The following GATAD2A variants were observed in gnomAD, a reference collection of about 807,000 sequenced individuals.
The protein encoded by GATAD2A is transcriptional repressor p66-alpha.
GATAD2A carries 12 observed loss-of-function variants against 68.5 expected under a neutral mutation model. The ratio of observed to expected loss-of-function variants is 0.18; its 90% confidence interval spans 0.11 to 0.28. The LOEUF is 0.28. GATAD2A is among the 10% of genes least tolerant of loss of function. GATAD2A has a pLI of 1.00. For synonymous variants in GATAD2A, 410 were observed against 375.3 expected (o/e 1.09, Z -1.07); for missense variants, 755 against 868.5 (o/e 0.87, Z 1.64).
intron 1 of GATAD2A, among the ~76,000 whole-genome samples, chr19:19,408,506 T>A (rs759196996): frequency 6.6e-6 from 1 of 152,102 alleles, no homozygotes; most frequent in Non-Finnish European, 1.5e-5. Flanking sequence ...TTTAGAAAAC[T>A]TTTTAGTGTC....
At chr19:19,492,479 C>T (rs747704398) in intron 3 of GATAD2A, 41 bp downstream of exon 3, 13 of 1,613,200 alleles carry the variant, frequency 8.1e-6, no homozygotes, top group Middle Eastern at 1.7e-4. Context: ...CCCCACTGTG[C>T]CCTTCCTACT....
chr19:19,501,149 C>T lies in GATAD2A; in HGVS notation c.1236C>T (p.Ser412=). 1 of 1,613,022 alleles carries T rather than the reference C, an allele frequency of 6.2e-7. No homozygotes were observed. Among genetic ancestry groups the T allele is most frequent in the Non-Finnish European group, 8.5e-7 (1 of 1,179,682 alleles). ...GGATGTCGGCCGCCACTGTGCTGTC[C>T]CGGGAGCCCTACATGTGTGCACAGT... The part of the protein sequence containing the change: ...AGRMSAATVL[S]REPYMCAQCK... The change falls in exon 9 of 12, where the codon TCC becomes TCT. Residue 412 remains serine, a synonymous_variant. Coordinates refer to ENST00000683918, the MANE Select transcript of GATAD2A (RefSeq NM_001384528.1).
chr19:19,432,823 G>C (rs1426071861), intron 1 of GATAD2A, among the ~76,000 whole-genome samples: 1 of 152,224 alleles, frequency 6.6e-6, no homozygotes, highest in African/African-American at 2.4e-5. Context: ...CAGTGTGTGG[G>C]CCTCTGGGGT....
chr19:19,444,906 T>C (rs1600143366), intron 1 of GATAD2A, among the ~76,000 whole-genome samples: 1 of 151,106 alleles, frequency 6.6e-6, no homozygotes, highest in African/African-American at 2.4e-5. Context: ...CATGGCAGTT[T>C]TGTTTTATTT....
chr19:19,487,689 A>T (rs1186572002), intron 2 of GATAD2A, among the ~76,000 whole-genome samples: 1 of 152,090 alleles, frequency 6.6e-6, no homozygotes, highest in Non-Finnish European at 1.5e-5. Context: ...TTGAAGAGGG[A>T]TGTTCTGCAG....
intron 1 of GATAD2A, among the ~76,000 whole-genome samples, chr19:19,412,256 T>C (rs924139220): frequency 1.3e-5 from 2 of 151,612 alleles, no homozygotes; most frequent in African/African-American, 2.4e-5. Flanking sequence ...CCGGGGTTCA[T>C]GCCATTCTCC....
At chr19:19,447,927 A>G (rs1486909690) in intron 1 of GATAD2A, among the ~76,000 whole-genome samples, 1 of 152,216 alleles carries the variant, frequency 6.6e-6, no homozygotes. Context: ...TGCCGTTTCC[A>G]GTCTCAGGCC....
chr19:19,414,241 T>C (rs537743982), intron 1 of GATAD2A, among the ~76,000 whole-genome samples: 43 of 152,324 alleles, frequency 2.8e-4, no homozygotes, highest in Non-Finnish European at 5.3e-4. Flanking sequence ...GGGAGTTGGG[T>C]AGCAGACAAA....
chr19:19,417,571 A>G (rs909343471), intron 1 of GATAD2A, among the ~76,000 whole-genome samples: 2 of 152,128 alleles, frequency 1.3e-5, no homozygotes, highest in Admixed American at 6.5e-5. Flanking sequence ...ATGGAAAGTC[A>G]TACTGGGAAC....
At chr19:19,448,203 G>A (rs1212004610) in intron 1 of GATAD2A, among the ~76,000 whole-genome samples, 3 of 152,214 alleles carry the variant, frequency 2.0e-5, no homozygotes, top group African/African-American at 4.8e-5. Context: ...TGGGACTCTG[G>A]TCCCCATTTA....
chr19:19,503,024 G>A (rs1243609592), intron 11 of GATAD2A, among the ~76,000 whole-genome samples: 3 of 152,238 alleles, frequency 2.0e-5, no homozygotes, highest in African/African-American at 7.2e-5. Flanking sequence ...AGGCCTTGCC[G>A]GAGACGGTGT....
chr19:19,461,143 C>G (rs555844551), intron 1 of GATAD2A, among the ~76,000 whole-genome samples: 1 of 152,174 alleles, frequency 6.6e-6, no homozygotes, highest in Non-Finnish European at 1.5e-5. Context: ...CGCCTAAAAT[C>G]CACCGTTAAG....
At chr19:19,417,008 T>C (rs559409632) in intron 1 of GATAD2A, among the ~76,000 whole-genome samples, 17 of 152,310 alleles carry the variant, frequency 1.1e-4, no homozygotes, top group Admixed American at 3.9e-4. Flanking sequence ...GTAATCTGCC[T>C]GCCTCGGCCT....
At chr19:19,445,561 C>T (rs1404863501) in intron 1 of GATAD2A, among the ~76,000 whole-genome samples, 1 of 152,214 alleles carries the variant, frequency 6.6e-6, no homozygotes, top group Non-Finnish European at 1.5e-5. Context: ...TCCCCATTAG[C>T]AGTCACTGCC....
chr19:19,407,251 A>G (rs1026189056), intron 1 of GATAD2A, among the ~76,000 whole-genome samples: 8 of 152,220 alleles, frequency 5.3e-5, no homozygotes, highest in African/African-American at 1.4e-4. Flanking sequence ...AGATTACATG[A>G]AATAATGTTT....
At chr19:19,396,803 G>C (rs181873239) in intron 1 of GATAD2A, among the ~76,000 whole-genome samples, 22 of 152,174 alleles carry the variant, frequency 1.4e-4, no homozygotes, top group Admixed American at 1.4e-3. Flanking sequence ...CCACCTCCTG[G>C]GTTCAAGCCA....
At chr19:19,406,199 G>T (rs919055876) in intron 1 of GATAD2A, among the ~76,000 whole-genome samples, 180 bp downstream of exon 1, 1 of 151,740 alleles carries the variant, frequency 6.6e-6, no homozygotes, top group African/African-American at 2.4e-5. Flanking sequence ...TTCTTGCGCT[G>T]CCCTGGAAAG....
intron 2 of GATAD2A, among the ~76,000 whole-genome samples, chr19:19,470,168 T>TTTTTA (rs1364611040): frequency 6.7e-6 from 1 of 149,588 alleles, no homozygotes; most frequent in South Asian, 2.1e-4. Context: ...TTTTTTTTTT[T>TTTTTA]GAGACAGAGT....
At chr19:19,505,256 G>A in intron 11 of GATAD2A, 88 bp from the exon 12 acceptor site, 3 of 1,314,548 alleles carry the variant, frequency 2.3e-6, no homozygotes, top group Non-Finnish European at 1.1e-6. Flanking sequence ...TCTGTATTGG[G>A]GCTGGGGTCT....
Sources: allele counts gnomAD v4.1 joint callset (sites outside exome capture counted in the v4.1 genomes callset), GRCh38; gene constraint gnomAD v4.1.1; transcripts MANE v1.5; gene names NCBI Gene and HGNC (gene_info 2026-07-23, HGNC 2026-07-21).